HS3ST4: variants seen among roughly 807,000 people sequenced by gnomAD.
HS3ST4 encodes heparan sulfate-glucosamine 3-sulfotransferase 4, also known as heparan sulfate glucosamine 3-O-sulfotransferase 4.
Under a neutral mutation model 29.2 loss-of-function variants are expected in HS3ST4, and 17 were observed. That is an observed-to-expected ratio of 0.58 (90% confidence interval 0.40 to 0.87). The LOEUF is 0.87. Ranked by LOEUF, HS3ST4 falls within the 40% of genes least tolerant of loss-of-function variation. The pLI, the probability that HS3ST4 is intolerant of heterozygous loss-of-function variation, is 0.00. For missense variants in HS3ST4, 627 were observed against 634.5 expected, an observed-to-expected ratio of 0.99 and a Z score of 0.13; for synonymous variants, 314 against 285.7, an observed-to-expected ratio of 1.10 and a Z score of -1.00.
chr16:25,759,584 G>A (rs1034972958), intron 1 of HS3ST4, among the ~76,000 whole-genome samples: 16 of 152,148 alleles, frequency 1.1e-4, no homozygotes, highest in African/African-American at 3.9e-4. Flanking sequence ...GAGAGCCGAA[G>A]GATGGAGTTC....
At chr16:26,049,727 C>T (rs1162719266) in intron 1 of HS3ST4, among the ~76,000 whole-genome samples, 1 of 152,120 alleles carries the variant, frequency 6.6e-6, no homozygotes, top group Admixed American at 6.5e-5. Flanking sequence ...GCTCAAGCCC[C>T]AGGGCATTTT....
chr16:25,779,737 A>G lies in HS3ST4; in HGVS notation c.734+86586A>G, dbSNP rs147963997. On this transcript the variant is annotated intron_variant, in intron 1 of 1. Transcript: ENST00000331351. ...TGAATACAAATTCTTTTTTCCACCA[A>G]GCTCACTTGTTTTTAATTCACTCCA... is the stretch of plus-strand genomic sequence containing the variant. Among the ~76,000 whole-genome samples the G allele has an allele frequency of 1.1e-3, 165 of 152,274 alleles. 1 individual carries two copies. The highest frequency in any genetic ancestry group is 3.8e-3 in the African/African-American group (159 of 41,556).
chr16:26,084,040 G>A (rs760043835), intron 1 of HS3ST4, among the ~76,000 whole-genome samples: 4 of 152,182 alleles, frequency 2.6e-5, no homozygotes, highest in Non-Finnish European at 4.4e-5. Flanking sequence ...CAAGAATCTC[G>A]TGGTGAGATG....
At chr16:25,757,205 A>C (rs1019201308) in intron 1 of HS3ST4, among the ~76,000 whole-genome samples, 1 of 152,184 alleles carries the variant, frequency 6.6e-6, no homozygotes, top group African/African-American at 2.4e-5. Flanking sequence ...GTACTTGGCA[A>C]CCTTATTAGA....
intron 1 of HS3ST4, among the ~76,000 whole-genome samples, chr16:25,736,199 TAATTGG>T (rs1020916947): frequency 6.6e-6 from 1 of 152,186 alleles, no homozygotes; most frequent in African/African-American, 2.4e-5. Flanking sequence ...GTGGGGAAGT[TAATTGG>T]AATGGCATTC....
At chr16:25,976,945 G>A (rs1174080503) in intron 1 of HS3ST4, among the ~76,000 whole-genome samples, 1 of 151,890 alleles carries the variant, frequency 6.6e-6, no homozygotes, top group Non-Finnish European at 1.5e-5. Context: ...CAAAATATTT[G>A]TGTTTTACAA....
At chr16:26,061,515 T>C (rs1898476026) in intron 1 of HS3ST4, among the ~76,000 whole-genome samples, 1 of 152,174 alleles carries the variant, frequency 6.6e-6, no homozygotes, top group Non-Finnish European at 1.5e-5. Flanking sequence ...GGTGGGTAGA[T>C]TTAAGAATCC....
intron 1 of HS3ST4, among the ~76,000 whole-genome samples, chr16:26,130,414 A>G (rs1899401575): frequency 1.3e-5 from 2 of 152,148 alleles, no homozygotes; most frequent in African/African-American, 4.8e-5. Flanking sequence ...GAGACCATGT[A>G]TTCATTGGAA....
intron 1 of HS3ST4, among the ~76,000 whole-genome samples, chr16:25,890,068 C>G (rs1373742571): frequency 6.6e-6 from 1 of 152,174 alleles, no homozygotes; most frequent in Non-Finnish European, 1.5e-5. Flanking sequence ...AGCATGAGAA[C>G]AGATACACTG....
chr16:25,767,971 C>T (rs1315475353), intron 1 of HS3ST4, among the ~76,000 whole-genome samples: 1 of 152,172 alleles, frequency 6.6e-6, no homozygotes, highest in Non-Finnish European at 1.5e-5. Flanking sequence ...AGTAGAGTCA[C>T]ATCTTTTCTT....
intron 1 of HS3ST4, chr16:25,933,269 A>G (rs1486071602): frequency 2.2e-5 from 10 of 451,166 alleles, no homozygotes; most frequent in Non-Finnish European, 3.1e-5. Flanking sequence ...GCCATTATTG[A>G]TTGGCTGCCG....
At chr16:25,777,350 G>T (rs562128929) in intron 1 of HS3ST4, among the ~76,000 whole-genome samples, 2 of 152,154 alleles carry the variant, frequency 1.3e-5, no homozygotes, top group East Asian at 1.9e-4. Flanking sequence ...AACATTTGTT[G>T]TGTGCTTTCT....
At chr16:26,069,152 A>G (rs1205629281) in intron 1 of HS3ST4, among the ~76,000 whole-genome samples, 3 of 152,156 alleles carry the variant, frequency 2.0e-5, no homozygotes, top group South Asian at 2.1e-4. Flanking sequence ...GAGTTTCGCC[A>G]TGTTGCCCAG....
intron 1 of HS3ST4, among the ~76,000 whole-genome samples, chr16:25,788,547 T>TC (rs982676301): frequency 7.2e-5 from 10 of 139,244 alleles, no homozygotes; most frequent in African/African-American, 2.4e-4. Context: ...CTTCTTTCTT[T>TC]TTTTTTTTTT....
intron 1 of HS3ST4, among the ~76,000 whole-genome samples, chr16:26,017,872 A>G (rs1281488723): frequency 6.6e-6 from 1 of 152,130 alleles, no homozygotes; most frequent in African/African-American, 2.4e-5. Context: ...CCAATGGGAG[A>G]TTTGGGACAG....
chr16:25,779,001 TAC>T (rs1056103718), intron 1 of HS3ST4, among the ~76,000 whole-genome samples: 1 of 151,390 alleles, frequency 6.6e-6, no homozygotes, highest in Non-Finnish European at 1.5e-5. Context: ...TCTGTGTCTC[TAC>T]ACACACACAC....
intron 1 of HS3ST4, among the ~76,000 whole-genome samples, chr16:25,902,296 C>T (rs371653069): frequency 1.3e-5 from 2 of 151,870 alleles, no homozygotes; most frequent in Admixed American, 6.6e-5. Flanking sequence ...ATGGGAAGAT[C>T]GCTTGAGCCC....
intron 1 of HS3ST4, among the ~76,000 whole-genome samples, chr16:25,736,144 C>A (rs990960557): frequency 6.6e-6 from 1 of 152,128 alleles, no homozygotes; most frequent in Admixed American, 6.5e-5. Flanking sequence ...ACAGGGCTTC[C>A]CACGTTGTCT....
chr16:25,895,784 T>G (rs953120387), intron 1 of HS3ST4, among the ~76,000 whole-genome samples: 5 of 152,094 alleles, frequency 3.3e-5, no homozygotes, highest in African/African-American at 1.2e-4. Context: ...TGTCTCTTCT[T>G]ATAAGGGCAT....
Sources: gnomAD v4.1 joint callset for allele counts (sites outside exome capture counted in the v4.1 genomes callset) on GRCh38, gnomAD v4.1.1 for gene constraint, MANE v1.5 for transcripts, NCBI Gene and HGNC (gene_info 2026-07-23, HGNC 2026-07-21) for gene names.